TGFBR3: variants seen among roughly 807,000 people sequenced by gnomAD.
TGFBR3 encodes transforming growth factor beta receptor type 3.
In TGFBR3, 46 loss-of-function variants were observed where a neutral mutation model predicts 87.9. That is an observed-to-expected ratio of 0.52 (90% CI 0.41 to 0.67). TGFBR3 has a LOEUF of 0.67. Among genes scored for constraint, TGFBR3 ranks in the 30% least tolerant of loss-of-function variants. The probability of loss-of-function intolerance (pLI) is 0.00; values close to 1 mark genes in which losing one functional copy is unlikely to be tolerated. For synonymous variants in TGFBR3, 381 were observed against 391.6 expected, an observed-to-expected ratio of 0.97 and a Z score of 0.32; for missense variants, 866 against 1,041.9, an observed-to-expected ratio of 0.83 and a Z score of 2.32.
chr1:91,887,501 A>G (rs980572978), upstream of TGFBR3, among the ~76,000 whole-genome samples: 23 of 152,014 alleles, frequency 1.5e-4, no homozygotes, highest in African/African-American at 3.6e-4. Context: ...CCTGAGCTCA[A>G]GAGATTCGCC....
At chr1:91,832,599 G>A (rs1676889645) in intron 2 of TGFBR3, among the ~76,000 whole-genome samples, 1 of 152,186 alleles carries the variant, frequency 6.6e-6, no homozygotes, top group South Asian at 2.1e-4. Flanking sequence ...TAAAATTATT[G>A]AATCAAGTGA....
At chr1:91,875,459 T>C (rs1256003984) in intron 1 of TGFBR3, among the ~76,000 whole-genome samples, 1 of 151,844 alleles carries the variant, frequency 6.6e-6, no homozygotes, top group Non-Finnish European at 1.5e-5. Flanking sequence ...AGGGAGCTGC[T>C]GATATTGAAG....
intron 4 of TGFBR3, among the ~76,000 whole-genome samples, chr1:91,751,214 A>T (rs780654893): frequency 2.0e-5 from 3 of 152,220 alleles, no homozygotes; most frequent in African/African-American, 4.8e-5. Context: ...ATTAGCAAAG[A>T]AAAAAATTAT....
chr1:91,822,406 T>G (rs1365336989), intron 2 of TGFBR3, among the ~76,000 whole-genome samples: 4 of 150,246 alleles, frequency 2.7e-5, no homozygotes, highest in African/African-American at 9.8e-5. Context: ...TCAAGTCAAA[T>G]CCCTTTAGAA....
At chr1:91,719,600 T>G in intron 9 of TGFBR3, 136 bp from the exon 10 acceptor site, 1 of 1,131,178 alleles carries the variant, frequency 8.8e-7, no homozygotes, top group Non-Finnish European at 1.3e-6. Context: ...CCCAAGTATC[T>G]CTTCCCAGCT....
chr1:91,770,763 G>T (rs1674351496), intron 3 of TGFBR3: 1 of 152,316 alleles, frequency 6.6e-6, no homozygotes, highest in African/African-American at 2.4e-5. Flanking sequence ...GTGGTAGTGA[G>T]AAATCTGTAA....
chr1:91,709,530 T>G (rs1012142842), intron 13 of TGFBR3, among the ~76,000 whole-genome samples: 1 of 152,194 alleles, frequency 6.6e-6, no homozygotes, highest in Non-Finnish European at 1.5e-5. Flanking sequence ...TTTTTAATCC[T>G]GGTATAGGCT....
intron 3 of TGFBR3, among the ~76,000 whole-genome samples, chr1:91,776,433 A>G (rs1229949943): frequency 6.6e-6 from 1 of 152,246 alleles, no homozygotes; most frequent in Non-Finnish European, 1.5e-5. Context: ...CTCCATCTAT[A>G]GGAAGTGTGT....
At chr1:91,794,064 G>A (rs768649140) in intron 3 of TGFBR3, among the ~76,000 whole-genome samples, 28 of 151,958 alleles carry the variant, frequency 1.8e-4, no homozygotes, top group Non-Finnish European at 2.2e-4. Flanking sequence ...CAGGTCAAAC[G>A]GTTTTTTTAA....
intron 4 of TGFBR3, among the ~76,000 whole-genome samples, chr1:91,744,982 G>C (rs1002345738): frequency 6.7e-6 from 1 of 149,006 alleles, no homozygotes; most frequent in East Asian, 2.0e-4. Flanking sequence ...TGAGATCTCA[G>C]AGGAAATCTG....
At chr1:91,705,741 T>A (rs140858518) in intron 14 of TGFBR3, among the ~76,000 whole-genome samples, 38 of 152,214 alleles carry the variant, frequency 2.5e-4, no homozygotes, top group African/African-American at 9.2e-4. Context: ...GAAGCTGGCC[T>A]ACAGTTTAAC....
intron 5 of TGFBR3, among the ~76,000 whole-genome samples, chr1:91,733,694 A>G (rs1204852074): frequency 6.6e-6 from 1 of 152,164 alleles, no homozygotes; most frequent in African/African-American, 2.4e-5. Flanking sequence ...GTTATTTCCT[A>G]GTAACTTATG....
Position 91,750,002 on chromosome 1 carries a change from G to A in TGFBR3, c.384+8611C>T, listed in dbSNP as rs146475785. Among the ~76,000 whole-genome samples the A allele has an allele frequency of 8.7e-3, 1,328 of 152,290 alleles. 33 individuals carry two copies. The highest frequency in any genetic ancestry group is 0.056 in the Admixed American group (850 of 15,290). ...CTTAGACAATAAAGCCTTAAAAGAC[G>A]TTATGGGACTCCACACGAAGAAACA... On this transcript the variant is annotated intron_variant, in intron 4 of 16. Coordinates refer to ENST00000212355, the MANE Select transcript of TGFBR3 (RefSeq NM_003243.5).
chr1:91,719,868 C>G, intron 9 of TGFBR3, 25 bp downstream of exon 9: 1 of 1,610,210 alleles, frequency 6.2e-7, no homozygotes, highest in Non-Finnish European at 8.5e-7. Context: ...AGCCTCTCTT[C>G]CCTCCTGTAA....
In TGFBR3 at chr1:91,812,990, C is replaced by G. The variant is rs552867465; in HGVS notation, c.62-15519G>C. Among the ~76,000 whole-genome samples, 318 of 152,286 alleles carry G rather than the reference C, an allele frequency of 2.1e-3. 1 individual carries two copies. The highest frequency in any genetic ancestry group is 2.6e-3 in the Non-Finnish European group (177 of 68,036). ...TGGCTGCAGGCCTGTGTCTCTGCCT[C>G]AAGCCTATCACTTACCATCTTTTAC... On this transcript the variant is annotated intron_variant, in intron 2 of 16. Coordinates refer to ENST00000212355, the MANE Select transcript of TGFBR3 (RefSeq NM_003243.5).
At chr1:91,707,680 T>C (rs936658720) in intron 14 of TGFBR3, among the ~76,000 whole-genome samples, 2 of 152,182 alleles carry the variant, frequency 1.3e-5, no homozygotes, top group Non-Finnish European at 2.9e-5. Context: ...GTAGCTCTAA[T>C]CCTGAAATAT....
intron 5 of TGFBR3, among the ~76,000 whole-genome samples, chr1:91,732,810 G>T (rs1672822930): frequency 6.6e-6 from 1 of 152,184 alleles, no homozygotes; most frequent in Non-Finnish European, 1.5e-5. Context: ...TACCCAGTGT[G>T]CACAGGCTGA....
At chr1:91,720,679 T>C (rs1207389742) in intron 8 of TGFBR3, among the ~76,000 whole-genome samples, 2 of 152,240 alleles carry the variant, frequency 1.3e-5, no homozygotes, top group East Asian at 3.8e-4. Flanking sequence ...TGAGAACCAA[T>C]GGAACAGACA....
At chr1:91,862,871 CT>C (rs1268555059) in intron 1 of TGFBR3, among the ~76,000 whole-genome samples, 4 of 152,218 alleles carry the variant, frequency 2.6e-5, no homozygotes, top group African/African-American at 9.6e-5. Context: ...CCTTGTCATC[CT>C]CACTCAGGAA....
Sources: gnomAD v4.1 joint callset for allele counts (sites outside exome capture counted in the v4.1 genomes callset) on GRCh38, gnomAD v4.1.1 for gene constraint, MANE v1.5 for transcripts, NCBI Gene and HGNC (gene_info 2026-07-23, HGNC 2026-07-21) for gene names.